TAB2: variants seen among roughly 807,000 people sequenced by gnomAD.
TAB2 encodes TGF-beta activated kinase 1 (MAP3K7) binding protein 2, also known as TGF-beta-activated kinase 1 and MAP3K7-binding protein 2.
In TAB2, 3 loss-of-function variants were observed where a neutral mutation model predicts 65.0. That is an observed-to-expected ratio of 0.05 (90% CI 0.02 to 0.12). The LOEUF (loss-of-function observed/expected upper bound fraction) is 0.12, where lower values mean the gene tolerates loss of function less well. TAB2 is among the 10% of genes least tolerant of loss of function. TAB2 has a pLI of 1.00. For missense variants in TAB2, 623 were observed against 840.3 expected, an observed-to-expected ratio of 0.74 and a Z score of 3.20; for synonymous variants, 298 against 285.1, an observed-to-expected ratio of 1.05 and a Z score of -0.46.
At chr6:149,262,970 A>AT (rs1038260714) in intron 1 of TAB2, among the ~76,000 whole-genome samples, 3 of 151,644 alleles carry the variant, frequency 2.0e-5, no homozygotes, top group East Asian at 1.9e-4. Context: ...TGCCCAGCTA[A>AT]TTTTTTTTAT....
chr6:149,337,159 A>G (rs972988107), intron 1 of TAB2, among the ~76,000 whole-genome samples: 2 of 152,184 alleles, frequency 1.3e-5, no homozygotes, highest in African/African-American at 4.8e-5. Context: ...ATTTTATTGT[A>G]TTATTACTAA....
At chr6:149,354,287 A>G (rs1278422812) in intron 1 of TAB2, among the ~76,000 whole-genome samples, 1 of 152,184 alleles carries the variant, frequency 6.6e-6, no homozygotes, top group African/African-American at 2.4e-5. Context: ...ACAGAGCCTC[A>G]TTTTGGATTG....
chr6:149,256,355 A>G (rs1344490505), intron 1 of TAB2, among the ~76,000 whole-genome samples: 1 of 152,210 alleles, frequency 6.6e-6, no homozygotes, highest in Non-Finnish European at 1.5e-5. Context: ...TAATATTTAT[A>G]AACTATATAA....
intron 1 of TAB2, among the ~76,000 whole-genome samples, chr6:149,250,188 C>G (rs1777829606): frequency 6.6e-6 from 1 of 151,954 alleles, no homozygotes; most frequent in Non-Finnish European, 1.5e-5. Flanking sequence ...ACAGAATAGG[C>G]CCTCAGCAAA....
Position 149,379,452 on chromosome 6 carries a change from C to T in TAB2, c.1537C>T (p.His513Tyr). ...IQHLTDPTLA[H>Y]VDRISETRKL... ...GCACCTCACGGACCCTACATTAGCA[C>T]ATGTGGATAGAATAAGTGAAACACG... Residue 513 changes from histidine to tyrosine, a missense_variant, in exon 3 of 7, where the codon CAT becomes TAT. His to Tyr is a moderately conservative substitution (Grantham distance 83). Around this residue, in one of 3 missense-constraint regions of TAB2, gnomAD observed 550 missense variants for 665.7 expected, o/e 0.83. Coordinates refer to ENST00000637181, the MANE Select transcript of TAB2 (RefSeq NM_001292034.3). 1 of 1,614,008 alleles carries T rather than the reference C, an allele frequency of 6.2e-7. No homozygotes were observed. The highest frequency in any genetic ancestry group is 8.5e-7 in the Non-Finnish European group (1 of 1,179,992).
At chr6:149,299,921 T>A (rs1012722574) in intron 1 of TAB2, among the ~76,000 whole-genome samples, 3 of 151,952 alleles carry the variant, frequency 2.0e-5, no homozygotes, top group Admixed American at 6.6e-5. Context: ...AGCAGGAGGA[T>A]CACTTGAGCC....
chr6:149,372,532 T>G (rs778952920), intron 2 of TAB2: 6 of 152,198 alleles, frequency 3.9e-5, no homozygotes, highest in Non-Finnish European at 8.8e-5. Context: ...TGAATGGTTT[T>G]CCGTTTCCTT....
intron 1 of TAB2, among the ~76,000 whole-genome samples, chr6:149,252,545 C>G (rs1277655760): frequency 6.6e-6 from 1 of 152,138 alleles, no homozygotes; most frequent in Admixed American, 6.5e-5. Context: ...CTATACCGAT[C>G]CTGTCTTTAT....
At chr6:149,248,395 A>C (rs902278428) in intron 1 of TAB2, among the ~76,000 whole-genome samples, 1 of 129,000 alleles carries the variant, frequency 7.8e-6, no homozygotes, top group Non-Finnish European at 1.6e-5. Flanking sequence ...ATGTCAAAAA[A>C]AGAGAGAGAC....
chr6:149,350,617 C>CTTTT (rs150204735), intron 1 of TAB2, among the ~76,000 whole-genome samples: 4 of 92,492 alleles, frequency 4.3e-5, no homozygotes, highest in African/African-American at 1.3e-4. Flanking sequence ...TATTTTATGT[C>CTTTT]TTTTTTTTTT....
At chr6:149,289,359 A>T (rs911468677) in intron 1 of TAB2, among the ~76,000 whole-genome samples, 1 of 150,960 alleles carries the variant, frequency 6.6e-6, no homozygotes, top group Non-Finnish European at 1.5e-5. Flanking sequence ...ATGCCACTGC[A>T]CTCTAGCCTG....
chr6:149,263,093 C>A (rs1778188384), intron 1 of TAB2, among the ~76,000 whole-genome samples: 1 of 152,160 alleles, frequency 6.6e-6, no homozygotes, highest in Non-Finnish European at 1.5e-5. Context: ...GCATGAGCCA[C>A]CACACCTGGC....
intron 1 of TAB2, chr6:149,253,269 T>C (rs376710535): frequency 1.3e-5 from 2 of 152,370 alleles, no homozygotes; most frequent in East Asian, 1.9e-4. Context: ...CTTTCTTTTA[T>C]GTGATATGCC....
rs547252932 is a variant in TAB2, at chr6:149,318,278, G to GA, written c.-90+263_-90+264insA. Among the ~76,000 whole-genome samples, 331 of 151,878 alleles carry GA rather than the reference G, an allele frequency of 2.2e-3. 5 individuals are homozygous for GA. The highest frequency in any genetic ancestry group is 6.8e-3 in the East Asian group (35 of 5,136). Reference sequence around the variant, plus strand: ...TGGGCTCCGGGGCGTCCGTGCGGGGGGGGAGGGGGAGCTTCATTGGAATCG... The same window carrying GA: ...TGGGCTCCGGGGCGTCCGTGCGGGGGAGGGAGGGGGAGCTTCATTGGAATCG... On this transcript the variant is annotated intron_variant, in intron 1 of 6. Transcript: ENST00000637181.
intron 1 of TAB2, among the ~76,000 whole-genome samples, chr6:149,326,022 G>A (rs1396576820): frequency 6.6e-6 from 1 of 152,160 alleles, no homozygotes; most frequent in African/African-American, 2.4e-5. Flanking sequence ...GATTATAGGT[G>A]TGAGCTACCA....
rs765990978 is a variant in TAB2 at position 149,378,470 on chromosome 6, C to T, written c.555C>T (p.Ile185=). Residue 185 remains isoleucine, a synonymous_variant, in exon 3 of 7, where the codon ATC becomes ATT. Transcript: ENST00000637181. ...TTATGGTAACTTTAGCCCCAAATAT[C>T]CAGACTGGTCGTAATACTCCTACAT... ...NPIMVTLAPN[I]QTGRNTPTSL... is the part of the protein sequence containing the mutation. 1 of 1,614,218 alleles carries T rather than the reference C, an allele frequency of 6.2e-7. No individual in the cohort carries two copies. The highest frequency in any genetic ancestry group is 8.5e-7 in the Non-Finnish European group (1 of 1,180,048).
intron 1 of TAB2, among the ~76,000 whole-genome samples, chr6:149,234,252 G>A (rs545726034): frequency 7.2e-4 from 109 of 152,312 alleles, no homozygotes; most frequent in Middle Eastern, 3.4e-3. Context: ...GACATGTGCA[G>A]ACTTGAAGAC....
At chr6:149,225,599 C>T (rs1777251704) in intron 1 of TAB2, among the ~76,000 whole-genome samples, 1 of 152,044 alleles carries the variant, frequency 6.6e-6, no homozygotes, top group African/African-American at 2.4e-5. Context: ...GGCTTCCCTC[C>T]CTCTTGTGGA....
upstream of TAB2, among the ~76,000 whole-genome samples, chr6:149,316,294 T>C (rs1779250361): frequency 6.6e-6 from 1 of 152,222 alleles, no homozygotes; most frequent in East Asian, 1.9e-4. Flanking sequence ...GAATTGGTGC[T>C]ATAGCCCAGA....
Sources: allele counts gnomAD v4.1 joint callset (sites outside exome capture counted in the v4.1 genomes callset), GRCh38; gene constraint gnomAD v4.1.1; regional missense constraint gnomAD v4.1.1; transcripts MANE v1.5; gene names NCBI Gene and HGNC (gene_info 2026-07-23, HGNC 2026-07-21).